Variants in RNPEP observed in about 807,000 individuals in gnomAD.
RNPEP encodes the protein arginyl aminopeptidase.
RNPEP carries 57 observed loss-of-function variants against 70.1 expected under a neutral mutation model. The observed-to-expected ratio is 0.81, with a 90% CI of 0.66 to 1.01. The LOEUF is 1.01. Ranked by LOEUF, RNPEP falls within the 50% of genes least tolerant of loss-of-function variation. RNPEP has a pLI of 0.00. For synonymous variants in RNPEP, 335 were observed against 357.4 expected, an observed-to-expected ratio of 0.94 and a Z score of 0.71; for missense variants, 787 against 852.4, an observed-to-expected ratio of 0.92 and a Z score of 0.96.
Position 202,003,341 on chromosome 1 carries a change from CTG to C in RNPEP, c.1534_1535del (p.Trp512GlyfsTer11), listed in dbSNP as rs1683911558. The C allele has an allele frequency of 1.2e-6, 2 of 1,614,194 alleles. No individual in the cohort carries two copies. The highest frequency in any genetic ancestry group is 1.7e-6 in the Non-Finnish European group (2 of 1,180,022). On this transcript the variant is annotated frameshift_variant, in exon 9 of 11. Coordinates refer to ENST00000295640, the MANE Select transcript of RNPEP (RefSeq NM_020216.4). LOFTEE classifies it high-confidence loss of function. The part of the protein sequence containing the change: ...LMKPAEELAQ[L>X]WAAEELDMKA... Reference sequence around the variant, plus strand: ...GAAGCCTGCTGAAGAGCTAGCCCAACTGTGGGCAGCCGAGGAGCTGGACATGA... The same window carrying C: ...GAAGCCTGCTGAAGAGCTAGCCCAACTGGGCAGCCGAGGAGCTGGACATGA...
rs543932139 is a variant in RNPEP, at chr1:201,993,463, G to A, written c.738-2684G>A. Reference sequence around the variant, plus strand: ...AACACAAAAATCAGCCGGACATGGTGGTGCACACCTATAATCCCAGCTACT... The same window carrying A: ...AACACAAAAATCAGCCGGACATGGTAGTGCACACCTATAATCCCAGCTACT... On this transcript the variant is annotated intron_variant, in intron 3 of 10. Transcript: ENST00000295640. 6.6e-5 allele frequency among the ~76,000 whole-genome samples: 10 copies of A among 152,238 alleles called. No homozygotes were observed. The East Asian group carries it at 1.9e-3, about 29-fold the overall frequency.
chr1:201,986,526 C>CT, intron 1 of RNPEP, among the ~76,000 whole-genome samples: 1 of 99,262 alleles, frequency 1.0e-5, no homozygotes. Flanking sequence ...GGTAAAGTGC[C>CT]ATTTTCTTTC....
chr1:202,003,086 G>C, intron 8 of RNPEP, 151 bp from the exon 9 acceptor site: 1 of 620,990 alleles, frequency 1.6e-6, no homozygotes, highest in South Asian at 2.1e-5. Flanking sequence ...CCCTGCTGGA[G>C]CGAATAGTTA....
intron 1 of RNPEP, among the ~76,000 whole-genome samples, chr1:201,984,625 C>A (rs1160767570): frequency 7.1e-6 from 1 of 140,774 alleles, no homozygotes; most frequent in Non-Finnish European, 1.6e-5. Flanking sequence ...ACAACAACAA[C>A]AAAAAAGCAA....
chr1:202,003,059 TGTC>T, intron 8 of RNPEP, 175 bp from the exon 9 acceptor site: 1 of 592,568 alleles, frequency 1.7e-6, no homozygotes, highest in East Asian at 2.8e-5. Context: ...AGTCTCTAGA[TGTC>T]GTTATAACTA....
chr1:201,985,108 G>T (rs1200447518), intron 1 of RNPEP, among the ~76,000 whole-genome samples: 1 of 151,218 alleles, frequency 6.6e-6, no homozygotes. Flanking sequence ...CAGGAGGATC[G>T]CTTGAATCTG....
In RNPEP at chr1:202,001,673, A is replaced by G; in HGVS notation, c.1332A>G (p.Glu444=). ...CCTCCTCACAGGCCTATGTGCATGAATTCAAATTCCGAAGCATCTTAGCCG... is the reference window on the plus strand; with the variant it reads ...CCTCCTCACAGGCCTATGTGCATGAGTTCAAATTCCGAAGCATCTTAGCCG... ...FDSFLKAYVH[E]FKFRSILADD... is the part of the protein sequence containing the mutation. Residue 444 remains glutamate, a synonymous_variant, in exon 8 of 11, where the codon GAA becomes GAG. Coordinates refer to ENST00000295640, the MANE Select transcript of RNPEP (RefSeq NM_020216.4). 3 of 1,613,356 alleles carry G rather than the reference A, an allele frequency of 1.9e-6. No individual in the cohort carries two copies. The highest frequency in any genetic ancestry group is 2.5e-6 in the Non-Finnish European group (3 of 1,179,278).
intron 3 of RNPEP, among the ~76,000 whole-genome samples, chr1:201,994,055 T>C (rs1683451466): frequency 6.6e-6 from 1 of 152,098 alleles, no homozygotes; most frequent in African/African-American, 2.4e-5. Flanking sequence ...TGTTCTGCTG[T>C]TTTTCTTCTG....
intron 5 of RNPEP, 52 bp from the exon 6 acceptor site, chr1:201,999,850 T>C: frequency 2.1e-6 from 3 of 1,430,346 alleles, no homozygotes; most frequent in East Asian, 2.3e-5. Context: ...GAAAATACAC[T>C]TGGATGTGGT....
intron 8 of RNPEP, 50 bp from the exon 9 acceptor site, chr1:202,003,187 C>A (rs1221467561): frequency 6.9e-7 from 1 of 1,452,208 alleles, no homozygotes; most frequent in Non-Finnish European, 9.5e-7. Context: ...AACCAGTTGA[C>A]CGTAACCTGG....
intron 5 of RNPEP, 22 bp from the exon 6 acceptor site, chr1:201,999,880 C>T: frequency 6.3e-7 from 1 of 1,597,346 alleles, no homozygotes; most frequent in Non-Finnish European, 8.6e-7. Flanking sequence ...TTTCCCGAGG[C>T]TTACGTTTGA....
At position 201,982,750 on chromosome 1, in the gene RNPEP, C is replaced by T. The variant is rs1271026190; in HGVS notation, c.84C>T (p.Ala28=). ...CGCAGGCTGTGGACGTGGCCTCGGC[C>T]TCCAACTTCCGGGCCTTTGAGCTGC... is the stretch of plus-strand genomic sequence containing the variant. ...HSAQAVDVAS[A]SNFRAFELLH... The change falls in exon 1 of 11, where the codon GCC becomes GCT. Residue 28 remains alanine, a synonymous_variant. Transcript: ENST00000295640. The T allele has an allele frequency of 4.4e-6, 6 of 1,376,132 alleles. No homozygotes were observed. Among genetic ancestry groups the T allele is most frequent in the African/African-American group, 1.5e-5 (1 of 65,190 alleles). The allele number at this position is 1,376,132 out of a possible 1,614,324, so 85.2% of individuals were successfully genotyped here.
intron 3 of RNPEP, among the ~76,000 whole-genome samples, chr1:201,994,540 T>C (rs542174681): frequency 6.6e-6 from 1 of 152,318 alleles, no homozygotes. Context: ...CTTTTGATAT[T>C]TGGGAAGTAC....
chr1:201,994,840 T>TTC (rs1471105782), intron 3 of RNPEP, among the ~76,000 whole-genome samples: 1 of 146,744 alleles, frequency 6.8e-6, no homozygotes, highest in African/African-American at 2.5e-5. Flanking sequence ...CTAATTTTTT[T>TTC]TTTTTTTTTT....
At chr1:202,003,557 G>A in intron 9 of RNPEP, 96 bp downstream of exon 9, 2 of 860,546 alleles carry the variant, frequency 2.3e-6, no homozygotes. Context: ...TTGCCCCTAG[G>A]GAACTGCCAC....
intron 10 of RNPEP, 83 bp downstream of exon 10, chr1:202,004,579 C>T: frequency 6.6e-7 from 1 of 1,521,186 alleles, no homozygotes; most frequent in East Asian, 2.3e-5. Context: ...GGGCAGGGCT[C>T]ATCTAGGACT....
intron 1 of RNPEP, chr1:201,983,332 C>T: frequency 6.8e-7 from 1 of 1,466,636 alleles, no homozygotes; most frequent in Non-Finnish European, 9.0e-7. Context: ...TTCCTCCAGC[C>T]ACTGGGCGGT....
At chr1:201,985,657 A>G (rs1472052576) in intron 1 of RNPEP, among the ~76,000 whole-genome samples, 1 of 152,222 alleles carries the variant, frequency 6.6e-6, no homozygotes, top group Non-Finnish European at 1.5e-5. Flanking sequence ...TTGCATTAGT[A>G]TGACACATTT....
At chr1:201,993,914 C>T (rs1161894406) in intron 3 of RNPEP, among the ~76,000 whole-genome samples, 1 of 151,510 alleles carries the variant, frequency 6.6e-6, no homozygotes, top group East Asian at 1.9e-4. Flanking sequence ...ACCCCCCCAC[C>T]CCACAATCAT....
Sources: allele counts gnomAD v4.1 joint callset (sites outside exome capture counted in the v4.1 genomes callset), GRCh38; gene constraint gnomAD v4.1.1; transcripts MANE v1.5; gene names NCBI Gene and HGNC (gene_info 2026-07-23, HGNC 2026-07-21).